The following MECOM variants were observed in gnomAD, a reference collection of about 807,000 sequenced individuals.
MECOM encodes the protein histone-lysine N-methyltransferase MECOM.
A neutral mutation model predicts 116.3 loss-of-function variants in MECOM; 13 were observed. The ratio of observed to expected loss-of-function variants is 0.11; its 90% CI spans 0.07 to 0.18. MECOM has a LOEUF of 0.18. Ranked by LOEUF, MECOM falls within the 10% of genes least tolerant of loss-of-function variation. The pLI is 1.00. For missense variants in MECOM, 1,299 were observed against 1,509.0 expected (o/e 0.86, Z 2.31); for synonymous variants, 528 against 535.2 (o/e 0.99, Z 0.19).
chr3:169,088,946 T>C (rs1040383891), intron 16 of MECOM, 54 bp downstream of exon 16: 30 of 1,338,192 alleles, frequency 2.2e-5, no homozygotes, highest in Admixed American at 1.2e-4. Flanking sequence ...TCAAAGGAAA[T>C]GTACGTTTCA....
At chr3:169,355,877 G>A (rs140081339) in intron 2 of MECOM, among the ~76,000 whole-genome samples, 11 of 151,384 alleles carry the variant, frequency 7.3e-5, no homozygotes, top group East Asian at 2.0e-4. Context: ...TGTCTAAACC[G>A]TATATGGAAA....
chr3:169,573,650 G>A (rs1764172603), intron 1 of MECOM, among the ~76,000 whole-genome samples: 1 of 152,138 alleles, frequency 6.6e-6, no homozygotes, highest in African/African-American at 2.4e-5. Flanking sequence ...ATCAGAGGAA[G>A]GAAATCAAGC....
rs368559104 is a variant in MECOM, at chr3:169,417,129, C to G, written c.38-35605G>C. ...AATGGGATCTAACTAAACTAAAGAG[C>G]TTCTGCACAGCAAAAGAAACTACCA... On this transcript the variant is annotated intron_variant, in intron 1 of 16. Transcript: ENST00000651503. Among the ~76,000 whole-genome samples the G allele has an allele frequency of 8.6e-4, 131 of 151,550 alleles. 2 individuals carry two copies. The East Asian group carries it at 0.019, about 23-fold the overall frequency.
intron 2 of MECOM, among the ~76,000 whole-genome samples, chr3:169,257,696 T>C (rs1434594401): frequency 1.3e-5 from 2 of 152,170 alleles, no homozygotes; most frequent in Non-Finnish European, 2.9e-5. Context: ...GATATATAAG[T>C]TTATCACCTT....
chr3:169,651,605 G>A (rs1463651319), intron 1 of MECOM, among the ~76,000 whole-genome samples: 1 of 152,106 alleles, frequency 6.6e-6, no homozygotes. Flanking sequence ...GGGATGCAAA[G>A]GCATAAGAAT....
chr3:169,622,495 G>A (rs1037060081), intron 1 of MECOM, among the ~76,000 whole-genome samples: 7 of 152,150 alleles, frequency 4.6e-5, no homozygotes, highest in East Asian at 1.9e-4. Flanking sequence ...TGGGTCACAC[G>A]CTGCAAAGAG....
intron 1 of MECOM, among the ~76,000 whole-genome samples, chr3:169,552,379 T>C (rs1761516462): frequency 6.6e-6 from 1 of 152,088 alleles, no homozygotes; most frequent in African/African-American, 2.4e-5. Flanking sequence ...ATTTATTATA[T>C]AATTAATCAC....
rs118036027 is a variant in MECOM, at chr3:169,638,712, C to T, written c.37+24624G>A. Among the ~76,000 whole-genome samples, 293 of 152,258 alleles carry T rather than the reference C, an allele frequency of 1.9e-3. 5 individuals are homozygous for T. In the East Asian group the frequency reaches 0.046, roughly 24 times the overall value. On this transcript the variant is annotated intron_variant, in intron 1 of 16. Transcript: ENST00000651503. Reference sequence around the variant, plus strand: ...TGGTTGACATGGTTAGTTGCCTCCCCAATATTCACTCCATTTATCTCCCTT... The same window carrying T: ...TGGTTGACATGGTTAGTTGCCTCCCTAATATTCACTCCATTTATCTCCCTT...
intron 1 of MECOM, among the ~76,000 whole-genome samples, chr3:169,461,566 G>T (rs1414060203): frequency 1.3e-5 from 2 of 151,964 alleles, no homozygotes; most frequent in African/African-American, 4.8e-5. Context: ...AGGCTTCTTG[G>T]TTCCCACTGT....
At chr3:169,221,459 C>A (rs765780646) in intron 2 of MECOM, among the ~76,000 whole-genome samples, 16 of 151,800 alleles carry the variant, frequency 1.1e-4, no homozygotes, top group African/African-American at 1.7e-4. Flanking sequence ...TTCCCACCTT[C>A]TTTTGTGAAA....
rs1377836971 is a variant in MECOM at position 169,176,850 on chromosome 3, C to A, written c.376-33018G>T. 2.6e-5 allele frequency among the ~76,000 whole-genome samples: 4 copies of A among 152,030 alleles called. No individual in the cohort carries two copies. The East Asian group carries it at 5.8e-4, about 22-fold the overall frequency. ...CAAAATAAGACATTTATGGGGCCAA[C>A]AAACATATGAAAAAAAGCTCAACAT... On this transcript the variant is annotated intron_variant, in intron 2 of 16. Coordinates refer to ENST00000651503, the MANE Select transcript of MECOM (RefSeq NM_004991.4).
chr3:169,127,720 GTC>G lies in MECOM; in HGVS notation c.830+122_830+123del, dbSNP rs1178034120. 2.1e-5 allele frequency: 15 copies of G among 722,520 alleles called. No individual in the cohort carries two copies. The African/African-American group carries it at 2.4e-4, about 12-fold the overall frequency. 44.8% of individuals were successfully genotyped at this position (722,520 alleles called of 1,614,324 possible). A position where few individuals can be genotyped will look rare whatever the true frequency, so the allele number is the denominator to read the frequency against. ...CCAGGCAAATATGATTTCTGAACAT[GTC>G]ACGAGTGCATTTGTCCAGCTCACTG... On this transcript the variant is annotated intron_variant, in intron 5 of 16. Transcript: ENST00000651503.
chr3:169,376,270 A>G (rs1224272222), intron 2 of MECOM, among the ~76,000 whole-genome samples: 2 of 152,202 alleles, frequency 1.3e-5, no homozygotes, highest in Non-Finnish European at 2.9e-5. Flanking sequence ...AACTGGCACA[A>G]GACAAGGATG....
chr3:169,172,088 C>T (rs1744499416), intron 2 of MECOM, among the ~76,000 whole-genome samples: 1 of 151,388 alleles, frequency 6.6e-6, no homozygotes, highest in African/African-American at 2.4e-5. Flanking sequence ...TCCCTTTGTT[C>T]TGGATACTAT....
chr3:169,122,032 G>C (rs1731203217), intron 6 of MECOM, among the ~76,000 whole-genome samples: 1 of 152,168 alleles, frequency 6.6e-6, no homozygotes, highest in Non-Finnish European at 1.5e-5. Context: ...ATAGTTCACA[G>C]TTATGGTCTA....
chr3:169,348,588 G>A (rs1725772929), intron 2 of MECOM, among the ~76,000 whole-genome samples: 1 of 151,986 alleles, frequency 6.6e-6, no homozygotes, highest in African/African-American at 2.4e-5. Context: ...AAGATGAGTG[G>A]TATTAACACT....
chr3:169,520,194 T>C (rs1425910066), intron 1 of MECOM, among the ~76,000 whole-genome samples: 13 of 152,374 alleles, frequency 8.5e-5, no homozygotes, highest in African/African-American at 3.1e-4. Flanking sequence ...ATGACATTAC[T>C]GAATCCCTAA....
chr3:169,328,734 T>C (rs1250256385), intron 2 of MECOM, among the ~76,000 whole-genome samples: 3 of 152,072 alleles, frequency 2.0e-5, no homozygotes, highest in Non-Finnish European at 4.4e-5. Context: ...TAAATGAAAA[T>C]GTTAGGACTA....
chr3:169,157,602 T>C (rs1220909026), intron 2 of MECOM, among the ~76,000 whole-genome samples: 2 of 152,234 alleles, frequency 1.3e-5, no homozygotes, highest in Non-Finnish European at 2.9e-5. Context: ...TGATTTCAAC[T>C]GTAGCTTTGA....
Sources: gnomAD v4.1 joint callset for allele counts (sites outside exome capture counted in the v4.1 genomes callset) on GRCh38, gnomAD v4.1.1 for gene constraint, MANE v1.5 for transcripts, NCBI Gene and HGNC (gene_info 2026-07-23, HGNC 2026-07-21) for gene names.